Variants in RNF128 observed in about 807,000 individuals in gnomAD.
RNF128 encodes the protein ring finger protein 128.
A neutral mutation model predicts 26.2 loss-of-function variants in RNF128; 13 were observed. The observed-to-expected ratio is 0.50, with a 90% CI of 0.32 to 0.79. The LOEUF (loss-of-function observed/expected upper bound fraction) is 0.79. RNF128 is among the 30% of genes least tolerant of loss of function. RNF128 has a pLI of 0.03. For missense variants in RNF128, 315 were observed against 349.7 expected, an observed-to-expected ratio of 0.90 and a Z score of 0.79; for synonymous variants, 149 against 142.5, an observed-to-expected ratio of 1.05 and a Z score of -0.32.
intron 1 of RNF128, among the ~76,000 whole-genome samples, chrX:106,694,839 A>G (rs923756872): frequency 2.7e-5 from 3 of 111,795 alleles, no homozygotes; most frequent in Non-Finnish European, 5.6e-5. Flanking sequence ...AAATAATAGC[A>G]TATTATAAGT....
intron 1 of RNF128, among the ~76,000 whole-genome samples, chrX:106,738,842 A>T (rs1929645812): frequency 9.0e-6 from 1 of 111,648 alleles, no homozygotes; most frequent in South Asian, 3.8e-4. Flanking sequence ...TACAGTGCTC[A>T]GTGCACATCC....
chrX:106,727,203 A>T lies in RNF128; in HGVS notation c.290A>T (p.Asn97Ile). 2 of 1,211,265 alleles carry T rather than the reference A, an allele frequency of 1.7e-6. No individual in the cohort carries two copies. The highest frequency in any genetic ancestry group is 2.2e-6 in the Non-Finnish European group (2 of 895,319). Reference protein sequence around the residue: ...PDGPGALNACNPHTNFTVPTV... With the variant: ...PDGPGALNACIPHTNFTVPTV... ...GGGCCCGGGGCGCTTAACGCCTGTA[A>T]CCCGCACACGAATTTCACGGTGCCC... is the stretch of plus-strand genomic sequence containing the variant. The change falls in exon 1 of 7, where the codon AAC becomes ATC. Residue 97 changes from asparagine (N) to isoleucine (I), a missense_variant. Transcript: ENST00000255499.
Position 106,759,531 on chromosome X carries a change from C to T in RNF128, c.485-13382C>T, listed in dbSNP as rs754127155. Reference sequence around the variant, plus strand: ...TACAATAACCATGATTTGGAAGCAACCTAAGTGTCCATCAAGAGACAAATG... The same window carrying T: ...TACAATAACCATGATTTGGAAGCAATCTAAGTGTCCATCAAGAGACAAATG... On this transcript the variant is annotated intron_variant, in intron 1 of 6. Coordinates refer to ENST00000255499, the MANE Select transcript of RNF128 (RefSeq NM_194463.2). Among the ~76,000 whole-genome samples the T allele has an allele frequency of 4.5e-5, 5 of 111,869 alleles. No individual in the cohort carries two copies. The South Asian group carries it at 1.9e-3, about 42-fold the overall frequency.
At position 106,790,231 on chromosome X, in the gene RNF128, C is replaced by A. The variant is rs765119517; in HGVS notation, c.933C>A (p.His311Gln). 20 of 1,202,171 alleles carry A rather than the reference C, an allele frequency of 1.7e-5. No homozygotes were observed. The highest frequency in any genetic ancestry group is 2.1e-5 in the Non-Finnish European group (19 of 889,879). ...KTCVDPWLLE[H>Q]RTCPMCKCDI... ...GTGTTGACCCATGGCTGTTAGAACACAGGACTTGCCCCATGTGCAAATGTG... is the reference window on the plus strand; with the variant it reads ...GTGTTGACCCATGGCTGTTAGAACAAAGGACTTGCCCCATGTGCAAATGTG... The change falls in exon 5 of 7, where the codon CAC becomes CAA. Residue 311 changes from histidine to glutamine, a missense_variant. Physicochemically the swap from His to Gln is conservative, Grantham distance 24. Transcript: ENST00000255499.
intron 1 of RNF128, among the ~76,000 whole-genome samples, chrX:106,730,347 A>C (rs1405773524): frequency 8.9e-6 from 1 of 112,454 alleles, no homozygotes; most frequent in Non-Finnish European, 1.9e-5. Flanking sequence ...GCTTATTGGC[A>C]GTTTGGCTTG....
chrX:106,767,065 A>G (rs1175225924), intron 1 of RNF128, among the ~76,000 whole-genome samples: 2 of 111,228 alleles, frequency 1.8e-5, no homozygotes, highest in Non-Finnish European at 3.8e-5. Flanking sequence ...ATTCTGTTCC[A>G]TTGATCTATA....
At chrX:106,763,967 T>G (rs867201713) in intron 1 of RNF128, among the ~76,000 whole-genome samples, 1 of 79,310 alleles carries the variant, frequency 1.3e-5, no homozygotes, top group East Asian at 3.8e-4. Context: ...GTTTGGTTTT[T>G]GTTTTTGTTT....
intron 1 of RNF128, among the ~76,000 whole-genome samples, chrX:106,754,658 A>G (rs1339777671): frequency 2.7e-5 from 3 of 109,752 alleles, no homozygotes; most frequent in Non-Finnish European, 5.7e-5. Flanking sequence ...ATACAAATAC[A>G]TGGAGATAAA....
intron 2 of RNF128, among the ~76,000 whole-genome samples, chrX:106,784,539 T>A (rs185667344): frequency 9.0e-6 from 1 of 111,449 alleles, no homozygotes; most frequent in Non-Finnish European, 1.9e-5. Flanking sequence ...TACCAAACAG[T>A]GTAAAGGTTG....
intron 1 of RNF128, among the ~76,000 whole-genome samples, chrX:106,697,906 C>A (rs925399771): frequency 1.2e-4 from 13 of 108,653 alleles, no homozygotes; most frequent in Admixed American, 4.0e-4. Context: ...GTGAGTATAT[C>A]TCTATCTATC....
intron 1 of RNF128, among the ~76,000 whole-genome samples, chrX:106,758,039 T>G (rs965540939): frequency 8.9e-6 from 1 of 112,308 alleles, no homozygotes; most frequent in Admixed American, 9.5e-5. Context: ...TTGAAAAACC[T>G]AAAGGCCCCA....
chrX:106,705,310 TAAATC>T (rs1012638963), intron 1 of RNF128, among the ~76,000 whole-genome samples: 7 of 112,057 alleles, frequency 6.2e-5, no homozygotes, highest in Non-Finnish European at 1.1e-4. Context: ...GCTCTTTTAA[TAAATC>T]AAATGGCTGG....
chrX:106,696,942 G>A (rs1017555685), intron 1 of RNF128, among the ~76,000 whole-genome samples: 1 of 111,768 alleles, frequency 8.9e-6, no homozygotes, highest in Admixed American at 9.5e-5. Flanking sequence ...TATGTGTTTT[G>A]GGGGAGAGTT....
chrX:106,791,362 A>C (rs1930823186), intron 6 of RNF128, 128 bp downstream of exon 6: 1 of 567,556 alleles, frequency 1.8e-6, no homozygotes, highest in East Asian at 3.6e-5. Context: ...TTTCTACTTA[A>C]AATAATGCCG....
intron 1 of RNF128, among the ~76,000 whole-genome samples, chrX:106,707,416 G>T (rs1929060506): frequency 9.0e-6 from 1 of 111,709 alleles, no homozygotes; most frequent in Non-Finnish European, 1.9e-5. Flanking sequence ...ATTTTAAGTT[G>T]TCTTCTATTT....
Position 106,715,022 on chromosome X carries a change from TG to T in RNF128, c.406+20616del, listed in dbSNP as rs777023398. The stretch of plus-strand genomic sequence containing the variant: ...TGAAGTTGCTATGAAAATTTGTGAA[TG>T]GCTTTCTGTGAATGTAATTTTTCAT... On this transcript the variant is annotated intron_variant, in intron 1 of 6. Transcript: ENST00000324342. 2.7e-5 allele frequency among the ~76,000 whole-genome samples: 3 copies of T among 112,104 alleles called. No homozygotes were observed. In the South Asian group the frequency reaches 1.1e-3, roughly 42 times the overall value.
chrX:106,791,385 C>T (rs1036179883), intron 6 of RNF128, 151 bp downstream of exon 6: 11 of 415,395 alleles, frequency 2.6e-5, no homozygotes, highest in Non-Finnish European at 8.0e-6. Context: ...AAGGATGCAC[C>T]CCTACCTTAA....
chrX:106,784,709 GA>G (rs969488106), intron 2 of RNF128, among the ~76,000 whole-genome samples: 13 of 110,775 alleles, frequency 1.2e-4, no homozygotes, highest in South Asian at 3.8e-4. Context: ...AAGGAAATTG[GA>G]AAAAAAATGC....
rs771248841 is a variant in RNF128, at chrX:106,790,214, C to T, written c.916C>T (p.Pro306Ser). ...NHIFHKTCVD[P>S]WLLEHRTCPM... ...TATTTTCCATAAGACATGTGTTGACCCATGGCTGTTAGAACACAGGACTTG... is the reference window on the plus strand; with the variant it reads ...TATTTTCCATAAGACATGTGTTGACTCATGGCTGTTAGAACACAGGACTTG... Residue 306 changes from proline to serine, a missense_variant, in exon 5 of 7, where the codon CCA becomes TCA. Physicochemically the swap from Pro to Ser is moderately conservative, Grantham distance 74 (BLOSUM62 -1). Coordinates refer to ENST00000255499, the MANE Select transcript of RNF128 (RefSeq NM_194463.2). 14 of 1,198,101 alleles carry T rather than the reference C, an allele frequency of 1.2e-5. No homozygotes were observed. Among genetic ancestry groups the T allele is most frequent in the African/African-American group, 3.5e-5 (2 of 56,496 alleles).
Sources: allele counts gnomAD v4.1 joint callset (sites outside exome capture counted in the v4.1 genomes callset), GRCh38; gene constraint gnomAD v4.1.1; transcripts MANE v1.5; gene names NCBI Gene and HGNC (gene_info 2026-07-23, HGNC 2026-07-21).